Variants in CPS1 observed in about 807,000 individuals in gnomAD.
CPS1 encodes the protein carbamoyl-phosphate synthase [ammonia], mitochondrial.
In CPS1, 109 loss-of-function variants were observed where a neutral mutation model predicts 174.6. The observed-to-expected ratio is 0.62, with a 90% CI of 0.53 to 0.73. The LOEUF (loss-of-function observed/expected upper bound fraction) is 0.73, where lower values mean the gene tolerates loss of function less well. Among genes scored for constraint, CPS1 ranks in the 30% least tolerant of loss-of-function variants. The probability of loss-of-function intolerance (pLI) is 0.00; values close to 1 mark genes in which losing one functional copy is unlikely to be tolerated. For missense variants in CPS1, 1,689 were observed against 1,821.9 expected, an observed-to-expected ratio of 0.93 and a Z score of 1.33; for synonymous variants, 637 against 632.0, an observed-to-expected ratio of 1.01 and a Z score of -0.12.
upstream of CPS1, chr2:210,555,545 T>C (rs1696886377): frequency 2.0e-5 from 9 of 446,566 alleles, no homozygotes; most frequent in South Asian, 1.3e-4. Flanking sequence ...TTAAACTTTG[T>C]TCCTCTTTAA....
intron 25 of CPS1, among the ~76,000 whole-genome samples, chr2:210,644,024 TA>T (rs1700303149): frequency 6.6e-6 from 1 of 152,038 alleles, no homozygotes; most frequent in Non-Finnish European, 1.5e-5. Flanking sequence ...TTAAAAATAT[TA>T]AAAAACATTA....
intron 6 of CPS1, 134 bp from the exon 7 acceptor site, chr2:210,587,924 C>T: frequency 1.2e-6 from 1 of 817,810 alleles, no homozygotes; most frequent in Non-Finnish European, 2.2e-6. Flanking sequence ...TTGTTAACTG[C>T]CAGTCACTCC....
chr2:210,601,567 T>G (rs530510426), intron 15 of CPS1, among the ~76,000 whole-genome samples: 1 of 152,150 alleles, frequency 6.6e-6, no homozygotes, highest in South Asian at 2.1e-4. Flanking sequence ...TTGCCAGATT[T>G]AATTATGTCC....
intron 1 of CPS1, among the ~76,000 whole-genome samples, chr2:210,542,325 C>T (rs1696454727): frequency 6.6e-6 from 1 of 152,076 alleles, no homozygotes; most frequent in Admixed American, 6.6e-5. Flanking sequence ...ACTGGCTTTC[C>T]TGCTGTGGTT....
chr2:210,674,282 T>A (rs934790138), intron 34 of CPS1: 24 of 152,240 alleles, frequency 1.6e-4, no homozygotes, highest in African/African-American at 5.6e-4. Flanking sequence ...GAGACCAGCC[T>A]GACCAACATG....
intron 1 of CPS1, among the ~76,000 whole-genome samples, chr2:210,506,933 A>C (rs1439983205): frequency 6.6e-6 from 1 of 152,226 alleles, no homozygotes; most frequent in Non-Finnish European, 1.5e-5. Context: ...GGAGAATGGG[A>C]CCAAGTTGGA....
At chr2:210,483,367 A>G (rs1387839363) in intron 1 of CPS1, among the ~76,000 whole-genome samples, 1 of 152,128 alleles carries the variant, frequency 6.6e-6, no homozygotes. Context: ...ATTTCCTTTC[A>G]TCTTTGGAAA....
rs60740361 is a variant in CPS1, at chr2:210,486,115, TACACACACACACACACACAC to T, written c.3+8374_3+8393del. ...ATACATATATATATACACACACACA[TACACACACACACACACACAC>T]ACACACACACACACACACACACACC... On this transcript the variant is annotated intron_variant, in intron 1 of 38. Transcript: ENST00000430249. Among the ~76,000 whole-genome samples, 353 of 135,674 alleles carry T rather than the reference TACACACACACACACACACAC, an allele frequency of 2.6e-3. 2 individuals carry two copies. The highest frequency in any genetic ancestry group is 7.8e-3 in the African/African-American group (270 of 34,442). The allele number at this position is 135,674 out of a possible 152,430, so 89.0% of individuals were successfully genotyped here.
intron 25 of CPS1, among the ~76,000 whole-genome samples, chr2:210,644,984 C>T (rs1455904043): frequency 6.6e-6 from 1 of 152,112 alleles, no homozygotes; most frequent in Non-Finnish European, 1.5e-5. Flanking sequence ...TATTTTATTT[C>T]AGTAGATTTC....
chr2:210,488,084 G>A (rs550363191), intron 1 of CPS1, among the ~76,000 whole-genome samples: 35 of 152,192 alleles, frequency 2.3e-4, no homozygotes, highest in African/African-American at 7.9e-4. Flanking sequence ...TTGAATCTGC[G>A]TTGAAATGGC....
chr2:210,677,065 T>G lies in CPS1; in HGVS notation c.4333T>G (p.Phe1445Val). The change falls in exon 37 of 38, where the codon TTT becomes GTT. Residue 1445 changes from phenylalanine (F) to valine (V), a missense_variant. Physicochemically the swap from Phe to Val is conservative, Grantham distance 50 (BLOSUM62 -1). Coordinates refer to ENST00000233072, the MANE Select transcript of CPS1 (RefSeq NM_001875.5). ...VINLPNNNTK[F>V]VHDNYVIRRT... ...TAACCTTCCCAACAACAACACTAAA[T>G]TTGTCCATGATAATTATGTGATTCG... 1 of 1,613,606 alleles carries G rather than the reference T, an allele frequency of 6.2e-7. No individual in the cohort carries two copies. The highest frequency in any genetic ancestry group is 8.5e-7 in the Non-Finnish European group (1 of 1,179,550).
intron 7 of CPS1, among the ~76,000 whole-genome samples, chr2:210,588,381 G>A (rs1248766185): frequency 6.6e-6 from 1 of 151,372 alleles, no homozygotes; most frequent in Non-Finnish European, 1.5e-5. Flanking sequence ...AAACATGGAA[G>A]AAAATGATGA....
intron 1 of CPS1, among the ~76,000 whole-genome samples, chr2:210,542,524 C>A (rs1025642948): frequency 2.0e-4 from 30 of 152,216 alleles, no homozygotes; most frequent in African/African-American, 6.7e-4. Context: ...TCCTACCCTC[C>A]TGTTAAAAGG....
At chr2:210,586,114 T>C (rs1698098745) in intron 6 of CPS1, among the ~76,000 whole-genome samples, 1 of 151,884 alleles carries the variant, frequency 6.6e-6, no homozygotes, top group South Asian at 2.1e-4. Flanking sequence ...ACATTGATAT[T>C]ATCTGGTATT....
At chr2:210,546,851 A>T (rs1345624836) in intron 1 of CPS1, among the ~76,000 whole-genome samples, 2 of 152,120 alleles carry the variant, frequency 1.3e-5, no homozygotes, top group African/African-American at 4.8e-5. Flanking sequence ...TTTCTTATCT[A>T]CACCCCTTCT....
intron 1 of CPS1, among the ~76,000 whole-genome samples, chr2:210,551,118 C>G (rs939431804): frequency 6.6e-6 from 1 of 151,898 alleles, no homozygotes; most frequent in African/African-American, 2.4e-5. Flanking sequence ...TCCTCTACAA[C>G]TTTTATTTAT....
At chr2:210,534,692 C>T (rs1696201863) in intron 1 of CPS1, among the ~76,000 whole-genome samples, 1 of 152,178 alleles carries the variant, frequency 6.6e-6, no homozygotes, top group Non-Finnish European at 1.5e-5. Context: ...TTTTCTGTTA[C>T]TGAACTTAGG....
At chr2:210,482,857 A>G (rs888907924) in intron 1 of CPS1, among the ~76,000 whole-genome samples, 4 of 152,164 alleles carry the variant, frequency 2.6e-5, no homozygotes, top group African/African-American at 7.2e-5. Context: ...GCCTAACCCA[A>G]TGTGTACTTA....
intron 21 of CPS1, chr2:210,618,511 G>A (rs979079459): frequency 3.9e-5 from 6 of 152,080 alleles, no homozygotes; most frequent in Admixed American, 1.3e-4. Context: ...CATTATCTGA[G>A]TGTCACTTTA....
Sources: gnomAD v4.1 joint callset for allele counts (sites outside exome capture counted in the v4.1 genomes callset) on GRCh38, gnomAD v4.1.1 for gene constraint, MANE v1.5 for transcripts, NCBI Gene and HGNC (gene_info 2026-07-23, HGNC 2026-07-21) for gene names.